Variants in DDX24 observed in about 807,000 individuals in gnomAD.
DDX24 encodes the protein DEAD-box helicase 24.
Under a neutral mutation model 68.9 loss-of-function variants are expected in DDX24, and 24 were observed. That is an observed-to-expected ratio of 0.35 (90% CI 0.25 to 0.49). DDX24 has a LOEUF of 0.49. DDX24 is among the 20% of genes least tolerant of loss of function. DDX24 has a pLI of 0.99. For missense variants in DDX24, 989 were observed against 1,039.0 expected, an observed-to-expected ratio of 0.95 and a Z score of 0.66; for synonymous variants, 395 against 385.2, an observed-to-expected ratio of 1.03 and a Z score of -0.30.
chr14:94,054,249 A>C (rs1885449682), intron 7 of DDX24, among the ~76,000 whole-genome samples: 1 of 152,180 alleles, frequency 6.6e-6, no homozygotes, highest in African/African-American at 2.4e-5. Flanking sequence ...GGAATTCTCT[A>C]TGATTTCCAC....
At chr14:94,075,805 T>A (rs893591883) in intron 2 of DDX24, among the ~76,000 whole-genome samples, 4 of 152,132 alleles carry the variant, frequency 2.6e-5, no homozygotes, top group African/African-American at 9.7e-5. Flanking sequence ...CTCCCAAAAC[T>A]CTACAACAGA....
chr14:94,059,026 G>T (rs1005591858), intron 5 of DDX24, among the ~76,000 whole-genome samples: 2 of 152,124 alleles, frequency 1.3e-5, no homozygotes, highest in Non-Finnish European at 2.9e-5. Flanking sequence ...TTGAGCCCGT[G>T]AGTTCAAGTC....
chr14:94,057,967 T>C, intron 5 of DDX24, 70 bp from the exon 6 acceptor site: 1 of 1,436,352 alleles, frequency 7.0e-7, no homozygotes, highest in East Asian at 2.3e-5. Context: ...TACCAACTGC[T>C]GAGCATCCTA....
At position 94,053,061 on chromosome 14, in the gene DDX24, T is replaced by G. The variant is rs1311377663; in HGVS notation, c.2245A>C (p.Asn749His). 6.2e-7 allele frequency: 1 copy of G among 1,614,202 alleles called. No individual in the cohort carries two copies. The highest frequency in any genetic ancestry group is 2.2e-5 in the East Asian group (1 of 44,884). Reference sequence around the variant, plus strand: ...GCTGCTGCCTGCTCAATCCAAGAGTTGTGCAGGCAAGCCTGGAAGTTCCGA... The same window carrying G: ...GCTGCTGCCTGCTCAATCCAAGAGTGGTGCAGGCAAGCCTGGAAGTTCCGA... ...EYRNFQACLH[N>H]SWIEQAAAAL... is the part of the protein sequence containing the mutation. Residue 749 changes from asparagine (N) to histidine (H), a missense_variant, in exon 8 of 9, where the codon AAC becomes CAC. By Grantham distance (68) the Asn-to-His change is moderately conservative. This residue lies in a region of DDX24 where 691 missense variants were observed against 760.0 expected (regional missense o/e 0.91). Coordinates refer to ENST00000621632, the MANE Select transcript of DDX24 (RefSeq NM_020414.4).
chr14:94,062,214 T>C lies in DDX24; in HGVS notation c.1126A>G (p.Lys376Glu), dbSNP rs1206691947. Residue 376 changes from lysine (K) to glutamate (E), a missense_variant, in exon 3 of 9, where the codon AAA becomes GAA. By Grantham distance (56) the Lys-to-Glu change is moderately conservative (BLOSUM62 1). Around this residue, in one of 3 missense-constraint regions of DDX24, gnomAD observed 691 missense variants for 760.0 expected, o/e 0.91. Transcript: ENST00000621632. The part of the protein sequence containing the change: ...TGNLKQELDD[K>E]SATCKAYPKR... ...GGATATGCCTTACAGGTGGCGCTTTTGTCATCCAACTCCTGTTTTAGATTT... is the reference window on the plus strand; with the variant it reads ...GGATATGCCTTACAGGTGGCGCTTTCGTCATCCAACTCCTGTTTTAGATTT... 1 of 1,614,190 alleles carries C rather than the reference T, an allele frequency of 6.2e-7. No homozygotes were observed. The highest frequency in any genetic ancestry group is 2.2e-5 in the East Asian group (1 of 44,876).
Position 94,079,224 on chromosome 14 carries a change from C to T in DDX24, c.519G>A (p.Val173=). Residue 173 remains valine, a synonymous_variant, in exon 2 of 9, where the codon GTG becomes GTA. Coordinates refer to ENST00000621632, the MANE Select transcript of DDX24 (RefSeq NM_020414.4). ...GAATCCATGTCTTCGCTTTTTTGGG[C>T]ACCTTGGCAGCAGTGCTCTGAGAAG... is the stretch of plus-strand genomic sequence containing the variant. ...LEPSQSTAAK[V]PKKAKTWIPE... The T allele has an allele frequency of 6.2e-7, 1 of 1,614,164 alleles. No homozygotes were observed. Among genetic ancestry groups the T allele is most frequent in the South Asian group, 1.1e-5 (1 of 91,072 alleles).
At chr14:94,073,546 A>T (rs1295262964) in intron 2 of DDX24, among the ~76,000 whole-genome samples, 2 of 152,252 alleles carry the variant, frequency 1.3e-5, no homozygotes, top group South Asian at 2.1e-4. Context: ...GACTGGCTGC[A>T]TCAATACCAA....
intron 2 of DDX24, among the ~76,000 whole-genome samples, chr14:94,077,879 A>C (rs1885976663): frequency 6.6e-6 from 1 of 152,176 alleles, no homozygotes; most frequent in Non-Finnish European, 1.5e-5. Context: ...GTAAAAAAAA[A>C]AAAAAGAACA....
chr14:94,079,806 T>A, intron 1 of DDX24, 59 bp from the exon 2 acceptor site: 1 of 1,486,226 alleles, frequency 6.7e-7, no homozygotes, highest in Non-Finnish European at 9.1e-7. Flanking sequence ...GGTTCTGATG[T>A]AACAAATATT....
intron 2 of DDX24, among the ~76,000 whole-genome samples, chr14:94,072,940 GA>G (rs1050670281): frequency 4.1e-4 from 60 of 145,134 alleles, no homozygotes; most frequent in Middle Eastern, 3.5e-3. Context: ...CATAGAAAAG[GA>G]AAAAAAAATT....
chr14:94,076,042 A>G (rs1885932883), intron 2 of DDX24, among the ~76,000 whole-genome samples: 1 of 152,240 alleles, frequency 6.6e-6, no homozygotes, highest in South Asian at 2.1e-4. Context: ...AAATGGTATA[A>G]TCACTTTGGA....
At position 94,057,815 on chromosome 14, in the gene DDX24, C is replaced by G; in HGVS notation, c.1989+7G>C. ...GCAGATGCCTATAAATTTTCAGATG[C>G]CCCTACCTGGTAATGGATGACATGC... On this transcript the variant is annotated splice_region_variant and intron_variant, in intron 6 of 8. Coordinates refer to ENST00000621632, the MANE Select transcript of DDX24 (RefSeq NM_020414.4). The G allele has an allele frequency of 3.7e-6, 6 of 1,613,184 alleles. No homozygotes were observed. The highest frequency in any genetic ancestry group is 5.1e-6 in the Non-Finnish European group (6 of 1,179,606).
chr14:94,068,652 T>C (rs144444418), intron 2 of DDX24, among the ~76,000 whole-genome samples: 426 of 152,318 alleles, frequency 2.8e-3, no homozygotes, highest in Non-Finnish European at 5.2e-3. Flanking sequence ...ATTGAAATTA[T>C]ATCAAGCACT....
rs759885273 is a variant in DDX24 at position 94,051,420 on chromosome 14, T to A, written c.2351A>T (p.Gln784Leu). 6.3e-7 allele frequency: 1 copy of A among 1,586,586 alleles called. No homozygotes were observed. Among genetic ancestry groups the A allele is most frequent in the South Asian group, 1.2e-5 (1 of 86,296 alleles). Residue 784 changes from glutamine to leucine, a missense_variant, in exon 9 of 9, where the codon CAG (glutamine) becomes CTG (leucine). Around this residue, in one of 3 missense-constraint regions of DDX24, gnomAD observed 691 missense variants for 760.0 expected, o/e 0.91. Transcript: ENST00000621632. Reference sequence around the variant, plus strand: ...CAGCTCCTTCTTCAGAACCTTCATCTGCTTTTGTCTCCGACGTTCTTCTTG... The same window carrying A: ...CAGCTCCTTCTTCAGAACCTTCATCAGCTTTTGTCTCCGACGTTCTTCTTG... ...DQQEERRRQK[Q>L]MKVLKKELRH... is the part of the protein sequence containing the mutation.
Position 94,048,543 on chromosome 14 carries a change from A to T in DDX24, c.*2648T>A, listed in dbSNP as rs777614750. Reference sequence around the variant, plus strand: ...AGTTTGTGAAATGGCAACAATACCTATGTGTCACTGGATTATTGGTTAAAA... The same window carrying T: ...AGTTTGTGAAATGGCAACAATACCTTTGTGTCACTGGATTATTGGTTAAAA... On this transcript the variant is annotated 3_prime_UTR_variant, in exon 9 of 9. Transcript: ENST00000621632. 1 of 152,148 alleles carries T rather than the reference A, an allele frequency of 6.6e-6. No individual in the cohort carries two copies. Among genetic ancestry groups the T allele is most frequent in the Admixed American group, 6.5e-5 (1 of 15,276 alleles). The allele number at this position is 152,148 out of a possible 1,614,324, so 9.4% of individuals were successfully genotyped here.
At position 94,060,311 on chromosome 14, in the gene DDX24, T is replaced by C. The variant is rs956084067; in HGVS notation, c.1700A>G (p.Lys567Arg). 1 of 1,614,234 alleles carries C rather than the reference T, an allele frequency of 6.2e-7. No individual in the cohort carries two copies. The highest frequency in any genetic ancestry group is 8.5e-7 in the Non-Finnish European group (1 of 1,180,052). ...TTTCTCATCAGTCTCACAATGGATCTTGGTCTCTGTTAGCGTCTCCACCGT... is the reference window on the plus strand; with the variant it reads ...TTTCTCATCAGTCTCACAATGGATCCTGGTCTCTGTTAGCGTCTCCACCGT... ...EATVETLTET[K>R]IHCETDEKDF... Residue 567 changes from lysine to arginine, a missense_variant, in exon 5 of 9, where the codon AAG becomes AGG. This residue lies in a region of DDX24 where 691 missense variants were observed against 760.0 expected (regional missense o/e 0.91). Coordinates refer to ENST00000621632, the MANE Select transcript of DDX24 (RefSeq NM_020414.4).
At chr14:94,075,864 A>G (rs1195199896) in intron 2 of DDX24, among the ~76,000 whole-genome samples, 1 of 152,244 alleles carries the variant, frequency 6.6e-6, no homozygotes, top group Non-Finnish European at 1.5e-5. Flanking sequence ...ACAAATAAGC[A>G]TATGCTAAAA....
In DDX24 at chr14:94,074,871, GACAA is replaced by G. The variant is rs369805255; in HGVS notation, c.718+4150_718+4153del. On this transcript the variant is annotated intron_variant, in intron 2 of 8. Transcript: ENST00000621632. Reference sequence around the variant, plus strand: ...ATCCATCATATTTCTACTTATTGGCGACAAACAATCGGAAATAAAAAATTTTAAA... The same window carrying G: ...ATCCATCATATTTCTACTTATTGGCGACAATCGGAAATAAAAAATTTTAAA... 2.3e-3 allele frequency among the ~76,000 whole-genome samples: 351 copies of G among 152,092 alleles called. 3 individuals carry two copies. Among genetic ancestry groups the G allele is most frequent in the South Asian group, 0.017 (81 of 4,810 alleles).
intron 4 of DDX24, 29 bp downstream of exon 4, chr14:94,060,884 A>T (rs1283194437): frequency 6.2e-7 from 1 of 1,611,742 alleles, no homozygotes; most frequent in Admixed American, 1.7e-5. Context: ...AAAGGCAGTG[A>T]GGGGGAAAAG....
Sources: gnomAD v4.1 joint callset for allele counts (sites outside exome capture counted in the v4.1 genomes callset) on GRCh38, gnomAD v4.1.1 for gene constraint, gnomAD v4.1.1 regional missense constraint, MANE v1.5 for transcripts, NCBI Gene and HGNC (gene_info 2026-07-23, HGNC 2026-07-21) for gene names.